Variants in PDE7A observed in about 807,000 individuals in gnomAD.
PDE7A encodes the protein phosphodiesterase 7A.
In PDE7A, 39 loss-of-function variants were observed where a neutral mutation model predicts 64.3. The ratio of observed to expected loss-of-function variants is 0.61; its 90% CI spans 0.47 to 0.79. PDE7A has a LOEUF of 0.79. Among genes scored for constraint, PDE7A ranks in the 30% least tolerant of loss-of-function variants. The pLI is 0.00. For synonymous variants in PDE7A, 203 were observed against 206.8 expected (o/e 0.98, Z 0.16); for missense variants, 470 against 582.8 (o/e 0.81, Z 1.99).
At chr8:65,772,151 G>A (rs922559792) in intron 3 of PDE7A, among the ~76,000 whole-genome samples, 2 of 152,204 alleles carry the variant, frequency 1.3e-5, no homozygotes, top group Non-Finnish European at 2.9e-5. Flanking sequence ...GAAATTAACA[G>A]TGAGTTTAGG....
chr8:65,840,924 C>CG (rs2128936423), intron 1 of PDE7A, among the ~76,000 whole-genome samples: 1 of 152,332 alleles, frequency 6.6e-6, no homozygotes, highest in South Asian at 2.1e-4. Context: ...GCGAGCGCCG[C>CG]GGGGCGCGCG....
At chr8:65,826,372 G>A (rs1367891926) in intron 1 of PDE7A, among the ~76,000 whole-genome samples, 1 of 151,964 alleles carries the variant, frequency 6.6e-6, no homozygotes, top group African/African-American at 2.4e-5. Flanking sequence ...CACTGCAGTG[G>A]CAGAATAAAA....
chr8:65,744,572 G>A (rs752352779), intron 5 of PDE7A, among the ~76,000 whole-genome samples: 2 of 152,110 alleles, frequency 1.3e-5, no homozygotes, highest in Non-Finnish European at 2.9e-5. Context: ...CCCATACTCT[G>A]TAGATTCTGA....
At chr8:65,776,581 T>C (rs58760509) in intron 3 of PDE7A, among the ~76,000 whole-genome samples, 8,645 of 152,266 alleles carry the variant, frequency 0.057, 710 homozygotes, top group African/African-American at 0.18. Context: ...AATTTTTCTA[T>C]GTAATCACTT....
chr8:65,762,433 G>A (rs1024091343), intron 3 of PDE7A, among the ~76,000 whole-genome samples: 3 of 152,162 alleles, frequency 2.0e-5, no homozygotes, highest in Non-Finnish European at 4.4e-5. Context: ...TGGAGAGGCA[G>A]AGCAGCAAAG....
At chr8:65,827,433 T>C (rs1434300553) in intron 1 of PDE7A, among the ~76,000 whole-genome samples, 1 of 152,240 alleles carries the variant, frequency 6.6e-6, no homozygotes, top group African/African-American at 2.4e-5. Flanking sequence ...TTAGTAAATT[T>C]AAATATAACA....
intron 1 of PDE7A, among the ~76,000 whole-genome samples, chr8:65,833,502 T>A (rs1273826774): frequency 6.6e-6 from 1 of 152,248 alleles, no homozygotes; most frequent in Non-Finnish European, 1.5e-5. Flanking sequence ...TCCACTCATC[T>A]TCCCTGATTA....
intron 1 of PDE7A, among the ~76,000 whole-genome samples, chr8:65,818,364 T>A (rs764047041): frequency 3.3e-5 from 5 of 152,238 alleles, no homozygotes; most frequent in Admixed American, 2.0e-4. Flanking sequence ...GTTTTTTTGT[T>A]TAGCATCATG....
intron 10 of PDE7A, 33 bp downstream of exon 10, chr8:65,724,744 C>G (rs1354326301): frequency 1.3e-6 from 2 of 1,551,798 alleles, no homozygotes; most frequent in Admixed American, 1.9e-5. Context: ...ATAATTTATC[C>G]TAGAAATAGA....
At chr8:65,812,107 T>G (rs1049222942) in intron 1 of PDE7A, among the ~76,000 whole-genome samples, 18 of 151,186 alleles carry the variant, frequency 1.2e-4, no homozygotes, top group African/African-American at 4.1e-4. Flanking sequence ...CTCAGGAGTC[T>G]GAGGTGGGAG....
At position 65,717,728 on chromosome 8, in the gene PDE7A, C is replaced by A. The variant is rs1806197593; in HGVS notation, c.*1562G>T. 6.6e-6 allele frequency: 1 copy of A among 152,130 alleles called. No individual in the cohort carries two copies. The highest frequency in any genetic ancestry group is 1.5e-5 in the Non-Finnish European group (1 of 68,024). The allele number at this position is 152,130 out of a possible 1,614,324, so 9.4% of individuals were successfully genotyped here. A position where few individuals can be genotyped will look rare whatever the true frequency, so the allele number is the denominator to read the frequency against. Reference sequence around the variant, plus strand: ...TTCATCAAAAGTTAACAGCAACAGGCACATATTAAAATGAGTATGGCAAAG... The same window carrying A: ...TTCATCAAAAGTTAACAGCAACAGGAACATATTAAAATGAGTATGGCAAAG... On this transcript the variant is annotated 3_prime_UTR_variant, in exon 13 of 13. Transcript: ENST00000401827.
intron 1 of PDE7A, among the ~76,000 whole-genome samples, chr8:65,840,549 A>G (rs981118012): frequency 2.6e-5 from 4 of 152,256 alleles, no homozygotes; most frequent in Admixed American, 2.0e-4. Flanking sequence ...AACTTCTGGC[A>G]GCAGAAAGTG....
At chr8:65,802,633 T>C (rs2128928336) in intron 1 of PDE7A, among the ~76,000 whole-genome samples, 1 of 152,352 alleles carries the variant, frequency 6.6e-6, no homozygotes, top group Non-Finnish European at 1.5e-5. Flanking sequence ...ACTGATGGTA[T>C]TCATAAAAAT....
In PDE7A at chr8:65,841,575, G is replaced by C. The variant is rs904433533; in HGVS notation, c.-67C>G. 6.1e-4 allele frequency: 600 copies of C among 990,716 alleles called. 1 individual carries two copies. Among genetic ancestry groups the C allele is most frequent in the Non-Finnish European group, 5.4e-4 (413 of 766,566 alleles). The allele number at this position is 990,716 out of a possible 1,614,324, so 61.4% of individuals were successfully genotyped here. On this transcript the variant is annotated 5_prime_UTR_variant, in exon 1 of 13. Coordinates refer to ENST00000401827, the MANE Select transcript of PDE7A (RefSeq NM_001242318.3). The stretch of plus-strand genomic sequence containing the variant: ...GCGGCCGCCGGCCCCTGCAGTGGGA[G>C]GGGGCCGCGGCTCGGGGGCTCCGGG...
rs186873588 is a variant in PDE7A, at chr8:65,827,308, T to C, written c.138+14063A>G. ...TTTCAGCCTACTGATCTGTATGTTA[T>C]GAGAAGTTTACAGGCTCTTCTAATG... On this transcript the variant is annotated intron_variant, in intron 1 of 12. Transcript: ENST00000401827. Among the ~76,000 whole-genome samples, 277 of 152,352 alleles carry C rather than the reference T, an allele frequency of 1.8e-3. 1 individual carries two copies. The highest frequency in any genetic ancestry group is 6.5e-3 in the African/African-American group (269 of 41,590).
chr8:65,745,709 G>A (rs778854877), intron 4 of PDE7A, among the ~76,000 whole-genome samples: 1 of 152,194 alleles, frequency 6.6e-6, no homozygotes, highest in Non-Finnish European at 1.5e-5. Context: ...GCACAGGAAG[G>A]TTATGTTTCC....
intron 3 of PDE7A, among the ~76,000 whole-genome samples, chr8:65,771,603 C>T (rs1809086680): frequency 6.6e-6 from 1 of 151,988 alleles, no homozygotes; most frequent in African/African-American, 2.4e-5. Context: ...GTGGCTCACG[C>T]GGTGGCTCAC....
At chr8:65,762,884 C>T (rs1459543590) in intron 3 of PDE7A, among the ~76,000 whole-genome samples, 1 of 151,982 alleles carries the variant, frequency 6.6e-6, no homozygotes, top group East Asian at 1.9e-4. Flanking sequence ...AACCTATAAT[C>T]CCAGCATTAT....
At chr8:65,817,652 T>C (rs921548631) in intron 1 of PDE7A, among the ~76,000 whole-genome samples, 10 of 152,190 alleles carry the variant, frequency 6.6e-5, no homozygotes, top group African/African-American at 2.4e-4. Flanking sequence ...AGTTTGGCTT[T>C]ATCTGTTGTT....
Sources: allele counts gnomAD v4.1 joint callset (sites outside exome capture counted in the v4.1 genomes callset), GRCh38; gene constraint gnomAD v4.1.1; transcripts MANE v1.5; gene names NCBI Gene and HGNC (gene_info 2026-07-23, HGNC 2026-07-21).